Variants in H2BC4 observed in about 807,000 individuals in gnomAD.
H2BC4 encodes histone H2B type 1-C/E/F/G/I.
H2BC4 carries 10 observed loss-of-function variants against 6.2 expected under a neutral mutation model. The observed-to-expected ratio is 1.61, with a 90% CI of 0.99 to 2.73. H2BC4 has a LOEUF of 2.73. Ranked by LOEUF, H2BC4 falls within the 30% of genes most tolerant of loss-of-function variation. H2BC4 has a pLI of 0.00. For missense variants in H2BC4, 176 were observed against 168.7 expected (o/e 1.04, Z -0.24); for synonymous variants, 146 against 70.7 (o/e 2.07, Z -5.35).
downstream of H2BC4, chr6:26,123,222 C>G (rs1204407435): frequency 2.3e-6 from 1 of 439,876 alleles, no homozygotes; most frequent in Non-Finnish European, 4.0e-6. Flanking sequence ...GAAACCTAAG[C>G]GAGCCTGCGG....
intron 1 of H2BC4, among the ~76,000 whole-genome samples, chr6:26,115,645 C>T (rs1341521321): frequency 6.6e-6 from 1 of 152,196 alleles, no homozygotes; most frequent in African/African-American, 2.4e-5. Flanking sequence ...AGCACACTCT[C>T]TAAACCCTCC....
chr6:26,123,337 G>T, downstream of H2BC4: 1 of 1,022,488 alleles, frequency 9.8e-7, no homozygotes, highest in Non-Finnish European at 1.4e-6. Context: ...GGCTTCTTTC[G>T]GGTTCAGGAC....
intron 1 of H2BC4, among the ~76,000 whole-genome samples, chr6:26,118,217 A>AG (rs1703194649): frequency 6.6e-6 from 1 of 152,206 alleles, no homozygotes; most frequent in Non-Finnish European, 1.5e-5. Context: ...GGCAAAAAAA[A>AG]AAGTTATGAG....
downstream of H2BC4, among the ~76,000 whole-genome samples, chr6:26,121,982 G>A (rs947362327): frequency 3.3e-5 from 5 of 151,578 alleles, no homozygotes; most frequent in Non-Finnish European, 7.4e-5. Flanking sequence ...GAACCCGGGA[G>A]GCGGAGGTTG....
chr6:26,123,603 A>G lies in H2BC4; in HGVS notation c.302T>C (p.Leu101Pro). The G allele has an allele frequency of 6.2e-7, 1 of 1,614,268 alleles. No homozygotes were observed. Among genetic ancestry groups the G allele is most frequent in the Non-Finnish European group, 8.5e-7 (1 of 1,180,046 alleles). Residue 101 changes from leucine (L) to proline (P), a missense_variant, in exon 1 of 1, where the codon CTG (leucine) becomes CCG (proline). Physicochemically the swap from Leu to Pro is moderately conservative, Grantham distance 98. Transcript: ENST00000396984. ...TSREIQTAVR[L>P]LLPGELAKHA... ...CTTGGCCAGCTCTCCGGGAAGCAGCAGGCGCACGGCCGTCTGGATCTCCCT... is the reference window on the plus strand; with the variant it reads ...CTTGGCCAGCTCTCCGGGAAGCAGCGGGCGCACGGCCGTCTGGATCTCCCT...
intron 1 of H2BC4, among the ~76,000 whole-genome samples, chr6:26,115,565 T>C (rs963409251): frequency 6.6e-6 from 1 of 152,180 alleles, no homozygotes; most frequent in East Asian, 1.9e-4. Context: ...CTTAGTGTTT[T>C]TCATAAAGAA....
chr6:26,119,850 A>T (rs966799812), downstream of H2BC4, among the ~76,000 whole-genome samples: 5 of 151,924 alleles, frequency 3.3e-5, no homozygotes, highest in Non-Finnish European at 7.4e-5. Context: ...TTTCCTTATT[A>T]AAAAAACCTA....
chr6:26,118,086 A>G (rs1763447648), intron 1 of H2BC4, among the ~76,000 whole-genome samples: 1 of 152,192 alleles, frequency 6.6e-6, no homozygotes, highest in Admixed American at 6.5e-5. Flanking sequence ...TTTGGTAAAA[A>G]TATCTCATAA....
At chr6:26,115,365 A>G (rs1463044963) in intron 1 of H2BC4, among the ~76,000 whole-genome samples, 1 of 152,230 alleles carries the variant, frequency 6.6e-6, no homozygotes, top group Non-Finnish European at 1.5e-5. Context: ...AGATGAGGAA[A>G]TTAAGGCACA....
chr6:26,120,228 C>T (rs150689299), downstream of H2BC4, among the ~76,000 whole-genome samples: 59 of 152,062 alleles, frequency 3.9e-4, no homozygotes, highest in South Asian at 7.3e-3. Context: ...TTTGGGAGGC[C>T]GAGGTGGATC....
downstream of H2BC4, chr6:26,123,409 T>C (rs1171373494): frequency 2.0e-6 from 3 of 1,519,514 alleles, no homozygotes; most frequent in African/African-American, 4.2e-5. Flanking sequence ...TATATTCTAA[T>C]ACCCCTCCGC....
chr6:26,123,201 C>G (rs556090270), downstream of H2BC4, among the ~76,000 whole-genome samples: 1 of 152,208 alleles, frequency 6.6e-6, no homozygotes, highest in Admixed American at 6.5e-5. Flanking sequence ...CAGGGACAGA[C>G]AGCTGGGTCT....
chr6:26,120,898 C>G (rs958573333), downstream of H2BC4, among the ~76,000 whole-genome samples: 3 of 152,170 alleles, frequency 2.0e-5, no homozygotes, highest in African/African-American at 7.2e-5. Flanking sequence ...AGAGCCTCTG[C>G]CATAGCAGTT....
rs1033141669 is a variant in H2BC4, at chr6:26,123,607, G to A, written c.298C>T (p.Arg100Cys). 1.2e-6 allele frequency: 2 copies of A among 1,614,160 alleles called. No individual in the cohort carries two copies. The highest frequency in any genetic ancestry group is 1.3e-5 in the African/African-American group (1 of 74,956). Residue 100 changes from arginine (R) to cysteine (C), a missense_variant, in exon 1 of 1, where the codon CGC becomes TGC. Coordinates refer to ENST00000396984, the MANE Select transcript of H2BC4 (RefSeq NM_003526.3). The stretch of plus-strand genomic sequence containing the variant: ...GCCAGCTCTCCGGGAAGCAGCAGGC[G>A]CACGGCCGTCTGGATCTCCCTGGAG... ...ITSREIQTAV[R>C]LLLPGELAKH... is the part of the protein sequence containing the mutation.
At chr6:26,123,071 A>C (rs111229486), downstream of H2BC4, among the ~76,000 whole-genome samples, 352 of 152,252 alleles carry the variant, frequency 2.3e-3, no homozygotes, top group African/African-American at 8.0e-3. Flanking sequence ...TATGTAAATC[A>C]GAGTCTCAAA....
downstream of H2BC4, among the ~76,000 whole-genome samples, chr6:26,121,912 G>T (rs1307433786): frequency 2.6e-5 from 4 of 152,022 alleles, no homozygotes; most frequent in East Asian, 1.9e-4. Flanking sequence ...ATTAGCCAGG[G>T]TGTCGTGGCG....
chr6:26,123,190 A>G (rs1763530584), downstream of H2BC4, among the ~76,000 whole-genome samples: 1 of 152,248 alleles, frequency 6.6e-6, no homozygotes, highest in African/African-American at 2.4e-5. Flanking sequence ...GGCGACGTAG[A>G]CAGGGACAGA....
chr6:26,123,434 T>C, downstream of H2BC4: 2 of 1,562,226 alleles, frequency 1.3e-6, no homozygotes, highest in South Asian at 2.4e-5. Flanking sequence ...AAATAAAATT[T>C]GGCGTCTGGC....
chr6:26,119,351 A>G (rs980708454), downstream of H2BC4, among the ~76,000 whole-genome samples: 8 of 152,192 alleles, frequency 5.3e-5, no homozygotes, highest in East Asian at 1.9e-4. Context: ...GCATAAAACT[A>G]CACTGTTTCT....
Sources: gnomAD v4.1 joint callset for allele counts (sites outside exome capture counted in the v4.1 genomes callset) on GRCh38, gnomAD v4.1.1 for gene constraint, MANE v1.5 for transcripts, NCBI Gene and HGNC (gene_info 2026-07-23, HGNC 2026-07-21) for gene names.